The following HPSE2 variants were observed in gnomAD, a reference collection of about 807,000 sequenced individuals.
HPSE2 encodes the protein inactive heparanase-2.
In HPSE2, 38 loss-of-function variants were observed where a neutral mutation model predicts 60.5. That is an observed-to-expected ratio of 0.63 (90% CI 0.48 to 0.82). HPSE2 has a LOEUF of 0.82. Among genes scored for constraint, HPSE2 ranks in the 40% least tolerant of loss-of-function variants. The probability of loss-of-function intolerance (pLI) is 0.00; values close to 1 mark genes in which losing one functional copy is unlikely to be tolerated. For missense variants in HPSE2, 713 were observed against 740.4 expected (o/e 0.96, Z 0.43); for synonymous variants, 295 against 293.2 (o/e 1.01, Z -0.06).
Position 98,955,634 on chromosome 10 carries a change from C to T in HPSE2, c.610+188604G>A, listed in dbSNP as rs554963911. 3.9e-5 allele frequency among the ~76,000 whole-genome samples: 6 copies of T among 152,236 alleles called. No individual in the cohort carries two copies. In the East Asian group the frequency reaches 1.2e-3, roughly 29 times the overall value. ...TATACCCAAAAGAATATAAATCATT[C>T]TATTATAAAGATACATGCACATGTA... On this transcript the variant is annotated intron_variant, in intron 3 of 11. Transcript: ENST00000370552.
At chr10:99,301,751 C>T in the HPSE2 span, among the ~76,000 whole-genome samples, 41 of 152,000 alleles carry the variant, frequency 2.7e-4, 1 homozygote, top group African/African-American at 9.9e-4. Flanking sequence ...TAGAAGAAGC[C>T]AGAAAGTTTA....
intron 9 of HPSE2, among the ~76,000 whole-genome samples, chr10:98,526,808 G>T (rs1942980670): frequency 6.6e-6 from 1 of 152,108 alleles, no homozygotes; most frequent in African/African-American, 2.4e-5. Context: ...GGGCTCACTG[G>T]GGTTGAGGGG....
chr10:99,132,216 AGAGAGAGAGAGAGAGAG>A (rs1845453925), intron 3 of HPSE2, among the ~76,000 whole-genome samples: 3 of 29,284 alleles, frequency 1.0e-4, no homozygotes, highest in Non-Finnish European at 2.9e-4. Flanking sequence ...AGAGAGAGAG[AGAGAGAGAGAGAGAGAG>A]AGAGAGAGAG....
chr10:99,203,085 G>A (rs1482629789), intron 2 of HPSE2, among the ~76,000 whole-genome samples: 2 of 152,052 alleles, frequency 1.3e-5, no homozygotes, highest in Non-Finnish European at 2.9e-5. Flanking sequence ...ATCAGCTTTT[G>A]GCCTGCCTAG....
At chr10:99,277,400 G>C in the HPSE2 span, among the ~76,000 whole-genome samples, 1 of 152,162 alleles carries the variant, frequency 6.6e-6, no homozygotes, top group Non-Finnish European at 1.5e-5. Context: ...TAAGGTTTTT[G>C]GCTCAGTTTA....
chr10:98,763,315 A>T (rs1950047870), intron 3 of HPSE2, among the ~76,000 whole-genome samples: 1 of 152,094 alleles, frequency 6.6e-6, no homozygotes. Context: ...AATTTGATTT[A>T]AAAAATAAAC....
intron 3 of HPSE2, among the ~76,000 whole-genome samples, chr10:98,981,430 C>T (rs1956203417): frequency 6.6e-6 from 1 of 152,118 alleles, no homozygotes; most frequent in Admixed American, 6.5e-5. Flanking sequence ...GGACAAGTCC[C>T]TTAACATCCT....
At chr10:99,063,206 A>G (rs780814696) in intron 3 of HPSE2, among the ~76,000 whole-genome samples, 12 of 152,344 alleles carry the variant, frequency 7.9e-5, no homozygotes, top group Non-Finnish European at 1.6e-4. Context: ...TTTTTGGAAG[A>G]AAAGTTAAAA....
chr10:98,674,999 G>C (rs2134120983), intron 6 of HPSE2, among the ~76,000 whole-genome samples: 1 of 152,318 alleles, frequency 6.6e-6, no homozygotes, highest in African/African-American at 2.4e-5. Flanking sequence ...ATTTAGAAAT[G>C]TGACTTTCAT....
intron 6 of HPSE2, among the ~76,000 whole-genome samples, chr10:98,674,060 G>C (rs1947574446): frequency 6.6e-6 from 1 of 152,034 alleles, no homozygotes; most frequent in Admixed American, 6.6e-5. Flanking sequence ...GGATGCTGTT[G>C]GTCTGGACCA....
chr10:98,700,553 C>A (rs1013483354), intron 5 of HPSE2, among the ~76,000 whole-genome samples: 2 of 135,692 alleles, frequency 1.5e-5, no homozygotes, highest in Non-Finnish European at 3.2e-5. Context: ...GGAAGAAAAC[C>A]TAGGCATTAC....
intron 3 of HPSE2, among the ~76,000 whole-genome samples, chr10:98,947,921 C>T (rs944274442): frequency 3.3e-5 from 5 of 152,116 alleles, no homozygotes; most frequent in South Asian, 2.1e-4. Context: ...TATTAAACAA[C>T]GTTCCTGGCC....
intron 3 of HPSE2, among the ~76,000 whole-genome samples, chr10:99,133,263 A>G (rs1434471381): frequency 6.6e-6 from 1 of 152,174 alleles, no homozygotes; most frequent in Non-Finnish European, 1.5e-5. Flanking sequence ...TAAAACCCCC[A>G]TCTCCCTGGG....
chr10:98,488,381 T>C (rs769767936), intron 10 of HPSE2, among the ~76,000 whole-genome samples: 7 of 152,212 alleles, frequency 4.6e-5, no homozygotes, highest in Non-Finnish European at 1.5e-5. Context: ...GGGATCTTCA[T>C]GCCAGTCACT....
At chr10:98,547,660 TG>T (rs1943730727) in intron 9 of HPSE2, among the ~76,000 whole-genome samples, 1 of 65,062 alleles carries the variant, frequency 1.5e-5, no homozygotes, top group African/African-American at 5.8e-5. Flanking sequence ...TGTTGTGGGG[TG>T]GGGGGAGGGG....
intron 3 of HPSE2, among the ~76,000 whole-genome samples, chr10:98,998,433 C>T (rs1956698625): frequency 6.6e-6 from 1 of 152,040 alleles, no homozygotes; most frequent in South Asian, 2.1e-4. Context: ...TTAAGAAGAC[C>T]ACGGATTTCT....
the HPSE2 span, among the ~76,000 whole-genome samples, chr10:99,307,830 G>GCACACACACACACA: frequency 2.7e-3 from 375 of 141,066 alleles, 3 homozygotes; most frequent in African/African-American, 8.8e-3. Flanking sequence ...CCTAGTAAAT[G>GCACACACACACACA]CGCACACACA....
rs7902408 is a variant in HPSE2 at position 98,766,174 on chromosome 10, G to A, written c.611-22118C>T. Reference sequence around the variant, plus strand: ...CACTATCCATAAATTCAAGAATAACGTCCATAAAACAGAACAATGCCTTGA... The same window carrying A: ...CACTATCCATAAATTCAAGAATAACATCCATAAAACAGAACAATGCCTTGA... On this transcript the variant is annotated intron_variant, in intron 3 of 11. Transcript: ENST00000370552. Among the ~76,000 whole-genome samples the A allele has an allele frequency of 4.8e-3, 733 of 152,042 alleles. 5 individuals carry two copies. The highest frequency in any genetic ancestry group is 0.017 in the African/African-American group (697 of 41,484).
At chr10:99,128,268 G>A (rs1215930424) in intron 3 of HPSE2, among the ~76,000 whole-genome samples, 3 of 152,112 alleles carry the variant, frequency 2.0e-5, no homozygotes, top group Non-Finnish European at 2.9e-5. Context: ...AAGATGATGT[G>A]GCAATTCCTT....
Sources: gnomAD v4.1 joint callset for allele counts (sites outside exome capture counted in the v4.1 genomes callset) on GRCh38, gnomAD v4.1.1 for gene constraint, MANE v1.5 for transcripts, NCBI Gene and HGNC (gene_info 2026-07-23, HGNC 2026-07-21) for gene names.